Variants in GPR55 observed in about 807,000 individuals in gnomAD.
The protein encoded by GPR55 is G protein-coupled receptor 55, also known as G-protein coupled receptor 55.
Under a neutral mutation model 7.9 loss-of-function variants are expected in GPR55, and 6 were observed. The observed-to-expected ratio is 0.76, with a 90% CI of 0.41 to 1.49. GPR55 has a LOEUF of 1.49. GPR55 is among the 40% of genes most tolerant of loss of function. GPR55 has a pLI of 0.01. For synonymous variants in GPR55, 183 were observed against 166.8 expected (o/e 1.10, Z -0.75); for missense variants, 376 against 406.0 (o/e 0.93, Z 0.63).
intron 1 of GPR55, among the ~76,000 whole-genome samples, chr2:230,951,872 C>T (rs544899113): frequency 6.6e-6 from 1 of 151,574 alleles, no homozygotes; most frequent in South Asian, 2.1e-4. Context: ...GATCCTCTTA[C>T]CTCAGCCTCC....
At chr2:230,916,152 G>T (rs1377396821) in intron 1 of GPR55, among the ~76,000 whole-genome samples, 2 of 151,958 alleles carry the variant, frequency 1.3e-5, no homozygotes, top group African/African-American at 2.4e-5. Context: ...GGTTGAAGGA[G>T]CACTCGAGCC....
intron 1 of GPR55, among the ~76,000 whole-genome samples, chr2:230,913,716 C>CA (rs1574618528): frequency 6.6e-6 from 1 of 152,014 alleles, no homozygotes; most frequent in South Asian, 2.1e-4. Flanking sequence ...AGGCCTAGCT[C>CA]AAAAAATTAC....
At chr2:230,918,356 T>G (rs1271631996) in intron 1 of GPR55, among the ~76,000 whole-genome samples, 1 of 152,188 alleles carries the variant, frequency 6.6e-6, no homozygotes, top group Non-Finnish European at 1.5e-5. Context: ...ATGTAGTTGT[T>G]GATTTGGGGG....
intron 1 of GPR55, among the ~76,000 whole-genome samples, chr2:230,915,130 G>A (rs541779439): frequency 6.6e-6 from 1 of 152,342 alleles, no homozygotes; most frequent in African/African-American, 2.4e-5. Context: ...GCTAGGAGTA[G>A]CCCAAAGAGA....
chr2:230,931,699 G>A lies in GPR55; in HGVS notation c.-134-20603C>T, dbSNP rs1056068867. Among the ~76,000 whole-genome samples, 3 of 152,182 alleles carry A rather than the reference G, an allele frequency of 2.0e-5. No individual in the cohort carries two copies. In the South Asian group the frequency reaches 6.2e-4, roughly 32 times the overall value. On this transcript the variant is annotated intron_variant, in intron 1 of 1. Transcript: ENST00000392039. ...GCCCCACTTCACAGTCTGGCCTCAC[G>A]GTGCGACCTCCTGCTGCTCTCACCC...
chr2:230,925,383 G>A (rs530977346), upstream of GPR55, among the ~76,000 whole-genome samples: 7 of 152,270 alleles, frequency 4.6e-5, no homozygotes, highest in East Asian at 3.9e-4. Flanking sequence ...GAGAGGCTGT[G>A]TGGAACTAGA....
Position 230,915,757 on chromosome 2 carries a change from C to G in GPR55, c.-134-4661G>C, listed in dbSNP as rs543601074. ...ATAAACAAACCAAGTTCCTTGGAAACCTCTGAAAAAATAATTAACACCAGA... is the reference window on the plus strand; with the variant it reads ...ATAAACAAACCAAGTTCCTTGGAAAGCTCTGAAAAAATAATTAACACCAGA... On this transcript the variant is annotated intron_variant, in intron 1 of 1. Transcript: ENST00000650999. Among the ~76,000 whole-genome samples the G allele has an allele frequency of 3.4e-4, 52 of 152,194 alleles. 1 individual carries two copies. The highest frequency in any genetic ancestry group is 9.9e-4 in the African/African-American group (41 of 41,524).
intron 1 of GPR55, among the ~76,000 whole-genome samples, chr2:230,941,999 G>A (rs182035940): frequency 4.3e-4 from 66 of 152,282 alleles, no homozygotes; most frequent in African/African-American, 1.6e-3. Flanking sequence ...GAGTGCAGGG[G>A]AGCCTGATGC....
At chr2:230,941,840 A>C (rs1258339969) in intron 1 of GPR55, among the ~76,000 whole-genome samples, 1 of 152,162 alleles carries the variant, frequency 6.6e-6, no homozygotes, top group Non-Finnish European at 1.5e-5. Flanking sequence ...TATTTCAAGT[A>C]TTTGTTTGAT....
intron 1 of GPR55, among the ~76,000 whole-genome samples, chr2:230,914,873 C>T (rs751154146): frequency 6.6e-6 from 1 of 152,156 alleles, no homozygotes; most frequent in Non-Finnish European, 1.5e-5. Flanking sequence ...GGGGAAGTTC[C>T]CATGAAGGAT....
chr2:230,928,477 T>G (rs1303554530), upstream of GPR55: 1 of 152,126 alleles, frequency 6.6e-6, no homozygotes, highest in Non-Finnish European at 1.5e-5. Context: ...ATCCATTCAA[T>G]CAAAAAATGT....
At chr2:230,956,930 T>C (rs1574638566) in intron 1 of GPR55, among the ~76,000 whole-genome samples, 1 of 152,126 alleles carries the variant, frequency 6.6e-6, no homozygotes, top group East Asian at 1.9e-4. Context: ...CCTTTTTTTT[T>C]TTTTCAGTTC....
chr2:230,917,226 A>G (rs1316243747), intron 1 of GPR55, among the ~76,000 whole-genome samples: 1 of 152,252 alleles, frequency 6.6e-6, no homozygotes, highest in East Asian at 1.9e-4. Context: ...ATTGGCAAAA[A>G]CAAACTGCAG....
chr2:230,923,887 G>A lies in GPR55; in HGVS notation c.-135+1281C>T, dbSNP rs1412446392. Reference sequence around the variant, plus strand: ...AAGCAAGAGCATCTGGGATCCAGGAGTTGCCAAGCCCCCTCCTCACTTCTT... The same window carrying A: ...AAGCAAGAGCATCTGGGATCCAGGAATTGCCAAGCCCCCTCCTCACTTCTT... On this transcript the variant is annotated intron_variant, in intron 1 of 1. Coordinates refer to ENST00000650999, the MANE Select transcript of GPR55 (RefSeq NM_005683.4). This position sits in a 1 kb window ranked among gnomAD's most constrained non-coding sequence, Gnocchi z 4.1. Among the ~76,000 whole-genome samples the A allele has an allele frequency of 1.3e-5, 2 of 152,060 alleles. No individual in the cohort carries two copies. The highest frequency in any genetic ancestry group is 1.3e-4 in the Admixed American group (2 of 15,258).
At chr2:230,940,780 G>A (rs533498986) in intron 1 of GPR55, among the ~76,000 whole-genome samples, 14 of 152,344 alleles carry the variant, frequency 9.2e-5, no homozygotes, top group African/African-American at 2.4e-4. Context: ...GGTGGGAAAC[G>A]GGAGTATCCC....
chr2:230,912,691 C>T (rs1353681831), intron 1 of GPR55, among the ~76,000 whole-genome samples: 2 of 152,224 alleles, frequency 1.3e-5, no homozygotes, highest in African/African-American at 4.8e-5. Context: ...CCACCCACCT[C>T]GGCCTCCCAA....
At chr2:230,952,384 C>A (rs1691416951) in intron 1 of GPR55, among the ~76,000 whole-genome samples, 1 of 152,224 alleles carries the variant, frequency 6.6e-6, no homozygotes, top group Non-Finnish European at 1.5e-5. Context: ...CCTGGCCGTG[C>A]CTTGAACTCT....
At chr2:230,942,993 T>A (rs376427089) in intron 1 of GPR55, among the ~76,000 whole-genome samples, 7 of 150,962 alleles carry the variant, frequency 4.6e-5, no homozygotes, top group Non-Finnish European at 8.8e-5. Context: ...GGATTTGTCC[T>A]TGTGACCTGA....
In GPR55 at chr2:230,923,688, G is replaced by A. The variant is rs570825754; in HGVS notation, c.-135+1480C>T. Among the ~76,000 whole-genome samples, 146 of 152,232 alleles carry A rather than the reference G, an allele frequency of 9.6e-4. 1 individual carries two copies. The South Asian group carries it at 0.022, about 23-fold the overall frequency. On this transcript the variant is annotated intron_variant, in intron 1 of 1. Transcript: ENST00000650999. This position sits in a 1 kb window ranked among gnomAD's most constrained non-coding sequence, Gnocchi z 4.1. ...CAGTGTGCTCAGTGATCTACGATGG[G>A]AACTCAGGACACTCCTAGGAGATTG...
Sources: gnomAD v4.1 joint callset for allele counts (sites outside exome capture counted in the v4.1 genomes callset) on GRCh38, gnomAD v4.1.1 for gene constraint, Gnocchi (gnomAD v3.1) non-coding constraint, MANE v1.5 for transcripts, NCBI Gene and HGNC (gene_info 2026-07-23, HGNC 2026-07-21) for gene names.